Variants in UNC13B observed in about 807,000 individuals in gnomAD.
The protein encoded by UNC13B is protein unc-13 homolog B.
UNC13B carries 144 observed loss-of-function variants against 211.0 expected under a neutral mutation model. The ratio of observed to expected loss-of-function variants is 0.68; its 90% CI spans 0.60 to 0.78. The LOEUF is 0.78. Among genes scored for constraint, UNC13B ranks in the 30% least tolerant of loss-of-function variants. The probability of loss-of-function intolerance (pLI) is 0.00; values close to 1 mark genes in which losing one functional copy is unlikely to be tolerated. For missense variants in UNC13B, 1,777 were observed against 2,002.0 expected (o/e 0.89, Z 2.14); for synonymous variants, 709 against 725.8 (o/e 0.98, Z 0.37).
At chr9:35,378,194 G>C (rs1157129274) in intron 16 of UNC13B, 101 bp from the exon 17 acceptor site, 2 of 1,476,724 alleles carry the variant, frequency 1.4e-6, no homozygotes, top group African/African-American at 2.8e-5. Context: ...TACGGTATCT[G>C]TGCAAGGAGC....
intron 7 of UNC13B, among the ~76,000 whole-genome samples, chr9:35,272,162 A>C (rs1827918606): frequency 6.6e-6 from 1 of 152,014 alleles, no homozygotes; most frequent in Non-Finnish European, 1.5e-5. Flanking sequence ...CTAAGAAATA[A>C]ATTATATACA....
intron 6 of UNC13B, among the ~76,000 whole-genome samples, chr9:35,247,612 C>A (rs1826182792): frequency 6.6e-6 from 1 of 152,112 alleles, no homozygotes; most frequent in Admixed American, 6.5e-5. Flanking sequence ...TTGAGATAAT[C>A]ATGTGGTTTT....
chr9:35,377,754 G>A, intron 16 of UNC13B, 59 bp downstream of exon 16: 1 of 1,546,430 alleles, frequency 6.5e-7, no homozygotes, highest in Admixed American at 1.8e-5. Context: ...GGAGACTGGG[G>A]AAGAAACATC....
rs372431164 is a variant in UNC13B at position 35,403,841 on chromosome 9, G to C, written c.12831G>C (p.Leu4277=). ...CFAREDRVLG[L]AVMPLRDVTA... ...CCCGGGAAGATCGCGTGCTAGGGCTGGCTGTGATGCCTCTGAGGGATGTCA... is the reference window on the plus strand; with the variant it reads ...CCCGGGAAGATCGCGTGCTAGGGCTCGCTGTGATGCCTCTGAGGGATGTCA... The change falls in exon 40 of 40, where the codon CTG becomes CTC. Residue 4277 remains leucine, a synonymous_variant. Coordinates refer to ENST00000635942, the MANE Select transcript of UNC13B (RefSeq NM_001371189.2). The C allele has an allele frequency of 1.2e-6, 2 of 1,614,056 alleles. No individual in the cohort carries two copies. Among genetic ancestry groups the C allele is most frequent in the Non-Finnish European group, 1.7e-6 (2 of 1,180,046 alleles).
chr9:35,376,546 A>G (rs543537757), intron 15 of UNC13B, among the ~76,000 whole-genome samples: 2 of 152,372 alleles, frequency 1.3e-5, no homozygotes, highest in Non-Finnish European at 2.9e-5. Context: ...TAGTGTATAC[A>G]GCACAGCGGC....
At position 35,366,252 on chromosome 9, in the gene UNC13B, T is replaced by G. The variant is rs1833763414; in HGVS notation, c.9415-695T>G. Among the ~76,000 whole-genome samples the G allele has an allele frequency of 2.0e-5, 3 of 152,342 alleles. No individual in the cohort carries two copies. The South Asian group carries it at 6.2e-4, about 32-fold the overall frequency. ...TTTGCTTTTGTTTATTTTGTTTTCT[T>G]TTGGTACAGAAACCTTTAAAAGGTG... On this transcript the variant is annotated intron_variant, in intron 11 of 39. Transcript: ENST00000635942.
chr9:35,264,667 C>A (rs1452316148), intron 7 of UNC13B, among the ~76,000 whole-genome samples: 2 of 152,138 alleles, frequency 1.3e-5, no homozygotes, highest in Non-Finnish European at 2.9e-5. Flanking sequence ...AGGGCTGCCC[C>A]CCTCACCACA....
chr9:35,404,169 T>C lies in UNC13B; in HGVS notation c.*136T>C. The C allele has an allele frequency of 3.2e-6, 4 of 1,240,128 alleles. No homozygotes were observed. The South Asian group carries it at 6.3e-5, about 20-fold the overall frequency. 76.8% of individuals were successfully genotyped at this position (1,240,128 alleles called of 1,614,324 possible). On this transcript the variant is annotated 3_prime_UTR_variant, in exon 40 of 40. Coordinates refer to ENST00000635942, the MANE Select transcript of UNC13B (RefSeq NM_001371189.2). ...TCAGTTAAAGATATTTAAGGAAAAA[T>C]TTGGGGTGGTGATAATATGGCTTTT...
At chr9:35,232,177 C>CTTGTTTTTTTTTTTTTTTTTT (rs1825242883) in intron 3 of UNC13B, among the ~76,000 whole-genome samples, 2 of 31,536 alleles carry the variant, frequency 6.3e-5, no homozygotes, top group African/African-American at 1.2e-4. Context: ...TATATTGCTG[C>CTTGTTTTTTTTTTTTTTTTTT]TTTTTTTTTT....
At chr9:35,228,750 ATG>A (rs1054937726) in intron 2 of UNC13B, among the ~76,000 whole-genome samples, 3 of 82,098 alleles carry the variant, frequency 3.7e-5, no homozygotes, top group Non-Finnish European at 7.9e-5. Flanking sequence ...GTGTGTGTGT[ATG>A]TGTGTGTCTG....
intron 7 of UNC13B, among the ~76,000 whole-genome samples, chr9:35,268,711 T>C (rs1254016186): frequency 6.6e-6 from 1 of 152,200 alleles, no homozygotes; most frequent in Non-Finnish European, 1.5e-5. Context: ...GTCCCTTTAT[T>C]TGTGATGCTG....
At position 35,382,337 on chromosome 9, in the gene UNC13B, G is replaced by A. The variant is rs1260630483; in HGVS notation, c.10656-20G>A. 8.7e-6 allele frequency: 14 copies of A among 1,606,428 alleles called. No individual in the cohort carries two copies. Among genetic ancestry groups the A allele is most frequent in the East Asian group, 6.7e-5 (3 of 44,830 alleles). On this transcript the variant is annotated intron_variant, in intron 20 of 39. Coordinates refer to ENST00000635942, the MANE Select transcript of UNC13B (RefSeq NM_001371189.2). ...CAAGCCCTGAAGAGTCTTTGAGGCT[G>A]CGGGTGCTGTGTTTTTCAGGCACTT...
intron 11 of UNC13B, chr9:35,353,614 T>G: frequency 8.1e-7 from 1 of 1,232,082 alleles, no homozygotes; most frequent in Non-Finnish European, 1.0e-6. Flanking sequence ...GTCTGGGAAG[T>G]GAGACTTGTT....
In UNC13B at chr9:35,400,460, T is replaced by C; in HGVS notation, c.12484+17T>C. 6.2e-7 allele frequency: 1 copy of C among 1,608,766 alleles called. No individual in the cohort carries two copies. The highest frequency in any genetic ancestry group is 8.5e-7 in the Non-Finnish European group (1 of 1,177,086). On this transcript the variant is annotated intron_variant, in intron 37 of 39. Transcript: ENST00000635942. ...CCACCCAAGGTAAGGCCCTGAGGGC[T>C]TTGGGTATCCACCTCTCCTCTCTGA...
chr9:35,255,947 G>A (rs1490123711), intron 6 of UNC13B, among the ~76,000 whole-genome samples: 3 of 152,112 alleles, frequency 2.0e-5, no homozygotes, highest in East Asian at 1.9e-4. Context: ...ATTCCTTCCC[G>A]AAGTTAGTTC....
intron 7 of UNC13B, among the ~76,000 whole-genome samples, chr9:35,293,753 C>T (rs1485239983): frequency 6.6e-6 from 1 of 152,112 alleles, no homozygotes; most frequent in Non-Finnish European, 1.5e-5. Flanking sequence ...TGCTTTGCAT[C>T]CCTCTTGTTT....
chr9:35,362,911 C>T (rs1275196386), intron 11 of UNC13B, among the ~76,000 whole-genome samples: 1 of 151,908 alleles, frequency 6.6e-6, no homozygotes, highest in Non-Finnish European at 1.5e-5. Flanking sequence ...ATGAATGTAA[C>T]TTAGGTGCAC....
chr9:35,387,413 G>A (rs1387074370), intron 24 of UNC13B, among the ~76,000 whole-genome samples: 1 of 152,124 alleles, frequency 6.6e-6, no homozygotes. Context: ...TGTACTTTCT[G>A]TGCCAGCCAT....
intron 11 of UNC13B, among the ~76,000 whole-genome samples, chr9:35,318,789 G>A (rs866514703): frequency 6.6e-6 from 1 of 152,170 alleles, no homozygotes; most frequent in Admixed American, 6.5e-5. Context: ...AAGGGGATAT[G>A]CATTTATAAT....
Sources: gnomAD v4.1 joint callset for allele counts (sites outside exome capture counted in the v4.1 genomes callset) on GRCh38, gnomAD v4.1.1 for gene constraint, MANE v1.5 for transcripts, NCBI Gene and HGNC (gene_info 2026-07-23, HGNC 2026-07-21) for gene names.